Variants in TNFSF10 observed in about 807,000 individuals in gnomAD.
TNFSF10 encodes tumor necrosis factor ligand superfamily member 10.
A neutral mutation model predicts 29.5 loss-of-function variants in TNFSF10; 13 were observed. The observed-to-expected ratio is 0.44, with a 90% confidence interval of 0.29 to 0.70. The LOEUF (loss-of-function observed/expected upper bound fraction) is 0.70, where lower values mean the gene tolerates loss of function less well. TNFSF10 is among the 30% of genes least tolerant of loss of function. The pLI is 0.13. For missense variants in TNFSF10, 345 were observed against 330.9 expected (o/e 1.04, Z -0.33); for synonymous variants, 111 against 112.8 (o/e 0.98, Z 0.10).
intron 2 of TNFSF10, among the ~76,000 whole-genome samples, chr3:172,513,340 T>G (rs1398221229): frequency 6.6e-6 from 1 of 152,208 alleles, no homozygotes; most frequent in Non-Finnish European, 1.5e-5. Context: ...GTTTCATTTC[T>G]CAGCTTCCTC....
intron 2 of TNFSF10, among the ~76,000 whole-genome samples, chr3:172,513,578 C>G (rs909376567): frequency 4.6e-5 from 7 of 152,206 alleles, no homozygotes; most frequent in African/African-American, 1.7e-4. Flanking sequence ...TCACATGTGT[C>G]AGGGCTCTAC....
In TNFSF10 at chr3:172,506,561, A is replaced by G. The variant is rs1369730132; in HGVS notation, c.777T>C (p.Ser259=). The change falls in exon 5 of 5, where the codon TCT becomes TCC. Residue 259 remains serine, a synonymous_variant. Coordinates refer to ENST00000241261, the MANE Select transcript of TNFSF10 (RefSeq NM_003810.4). The part of the protein sequence containing the change: ...ELKENDRIFV[S]VTNEHLIDMD... The stretch of plus-strand genomic sequence containing the variant: ...TGTCTATCAAGTGCTCATTTGTTAC[A>G]GAAACAAAAATTCTGTCATTTTCCT... 6.2e-7 allele frequency: 1 copy of G among 1,614,150 alleles called. No individual in the cohort carries two copies. The highest frequency in any genetic ancestry group is 1.7e-5 in the Admixed American group (1 of 60,014).
At chr3:172,506,954 A>T in intron 4 of TNFSF10, 35 bp from the exon 5 acceptor site, 1 of 1,492,236 alleles carries the variant, frequency 6.7e-7, no homozygotes, top group Non-Finnish European at 8.9e-7. Flanking sequence ...GCGTTAACAG[A>T]AGGGAATTTG....
At chr3:172,515,484 G>A (rs1424831615) in intron 1 of TNFSF10, among the ~76,000 whole-genome samples, 1 of 152,118 alleles carries the variant, frequency 6.6e-6, no homozygotes, top group Non-Finnish European at 1.5e-5. Flanking sequence ...TTGGGAGGGG[G>A]TCATGTTCTG....
intron 1 of TNFSF10, chr3:172,522,339 A>AT (rs34112044): frequency 0.19 from 197,741 of 1,026,058 alleles, 23,846 homozygotes; most frequent in East Asian, 0.52. Context: ...TACATTACAG[A>AT]TTTTTTCGAC....
In TNFSF10 at chr3:172,514,861, C is replaced by T. The variant is rs760670084; in HGVS notation, c.270G>A (p.Lys90=). ...VKWQLRQLVR[K]MILRTSEETI... is the part of the protein sequence containing the mutation. ...GAGGTCACCTGGTGAGGTTACCTAC[C>T]TTTCTAACGAGCTGACGGAGTTGCC... Residue 90 remains lysine (K), a splice_region_variant and synonymous_variant, in exon 2 of 5, where the codon AAG becomes AAA. Transcript: ENST00000241261. 1.9e-6 allele frequency: 3 copies of T among 1,613,990 alleles called. No individual in the cohort carries two copies. Among genetic ancestry groups the T allele is most frequent in the Non-Finnish European group, 1.7e-6 (2 of 1,180,014 alleles).
chr3:172,521,383 G>A (rs890623092), intron 1 of TNFSF10, among the ~76,000 whole-genome samples: 6 of 152,146 alleles, frequency 3.9e-5, no homozygotes, highest in Non-Finnish European at 7.3e-5. Context: ...ACATCAAAAA[G>A]TGGGCAAAAG....
chr3:172,506,539 C>A lies in TNFSF10; in HGVS notation c.799G>T (p.Asp267Tyr), dbSNP rs879095561. ...FVSVTNEHLIDMDHEASFFGA... is the reference protein window; with the variant it reads ...FVSVTNEHLIYMDHEASFFGA... ...AAAAAACTGGCTTCATGGTCCATGT[C>A]TATCAAGTGCTCATTTGTTACAGAA... The change falls in exon 5 of 5, where the codon GAC (aspartate) becomes TAC (tyrosine). Residue 267 changes from aspartate (D) to tyrosine (Y), a missense_variant. Coordinates refer to ENST00000241261, the MANE Select transcript of TNFSF10 (RefSeq NM_003810.4). 4 of 1,613,898 alleles carry A rather than the reference C, an allele frequency of 2.5e-6. No individual in the cohort carries two copies. In the South Asian group the frequency reaches 3.3e-5, roughly 13 times the overall value.
At chr3:172,515,161 T>TA (rs766198713) in intron 1 of TNFSF10, among the ~76,000 whole-genome samples, 163 bp from the exon 2 acceptor site, 4,628 of 140,232 alleles carry the variant, frequency 0.033, 143 homozygotes, top group African/African-American at 0.089. Context: ...CCTTTGTCCT[T>TA]AAAAAAAAAA....
chr3:172,523,214 T>C, intron 1 of TNFSF10, 39 bp downstream of exon 1: 1 of 1,542,196 alleles, frequency 6.5e-7, no homozygotes, highest in Non-Finnish European at 8.8e-7. Flanking sequence ...AGACATTTGC[T>C]AAGCGCCTCG....
At chr3:172,510,376 G>A (rs1245887552) in intron 3 of TNFSF10, among the ~76,000 whole-genome samples, 1 of 151,586 alleles carries the variant, frequency 6.6e-6, no homozygotes, top group Non-Finnish European at 1.5e-5. Flanking sequence ...GATTGTTTGA[G>A]GCCAGGAAGT....
chr3:172,522,394 C>G (rs1713737586), intron 1 of TNFSF10: 1 of 1,516,312 alleles, frequency 6.6e-7, no homozygotes, highest in East Asian at 2.3e-5. Context: ...GCTGTTGCTA[C>G]TGCTGTGGAA....
intron 1 of TNFSF10, among the ~76,000 whole-genome samples, chr3:172,522,713 G>A (rs189736031): frequency 2.6e-5 from 4 of 152,292 alleles, no homozygotes; most frequent in Admixed American, 6.5e-5. Flanking sequence ...GTCCCCATAA[G>A]CAGAGCTGTC....
chr3:172,517,806 A>T (rs1052942394), intron 1 of TNFSF10: 25 of 982,660 alleles, frequency 2.5e-5, no homozygotes, highest in Admixed American at 1.2e-4. Flanking sequence ...AAAAAGGAAA[A>T]AAAGTACCCA....
intron 4 of TNFSF10, chr3:172,507,524 C>A (rs1713035317): frequency 6.6e-6 from 1 of 152,204 alleles, no homozygotes; most frequent in Admixed American, 6.5e-5. Context: ...TTGAATCTTT[C>A]ACACTCAAAG....
At chr3:172,520,978 G>T (rs1262962481) in intron 1 of TNFSF10, among the ~76,000 whole-genome samples, 3 of 152,206 alleles carry the variant, frequency 2.0e-5, no homozygotes, top group African/African-American at 7.2e-5. Flanking sequence ...AATAAATGGT[G>T]CTGGGAAAAC....
At chr3:172,518,730 T>A (rs1306155140) in intron 1 of TNFSF10, among the ~76,000 whole-genome samples, 1 of 152,196 alleles carries the variant, frequency 6.6e-6, no homozygotes, top group Non-Finnish European at 1.5e-5. Flanking sequence ...CTTCTGCAAA[T>A]GTTCACCAGA....
At chr3:172,507,822 A>T (rs1713048016) in intron 4 of TNFSF10, among the ~76,000 whole-genome samples, 1 of 152,234 alleles carries the variant, frequency 6.6e-6, no homozygotes, top group Non-Finnish European at 1.5e-5. Context: ...TGATGTCTGA[A>T]ATATTTTTAG....
intron 1 of TNFSF10, among the ~76,000 whole-genome samples, chr3:172,520,525 G>A (rs1713638711): frequency 6.6e-6 from 1 of 152,204 alleles, no homozygotes; most frequent in Non-Finnish European, 1.5e-5. Flanking sequence ...ATACAAAACG[G>A]GAGTGTTCAG....
Sources: allele counts gnomAD v4.1 joint callset (sites outside exome capture counted in the v4.1 genomes callset), GRCh38; gene constraint gnomAD v4.1.1; transcripts MANE v1.5; gene names NCBI Gene and HGNC (gene_info 2026-07-23, HGNC 2026-07-21).